The following RAD51 variants were observed in gnomAD, a reference collection of about 807,000 sequenced individuals.
The protein encoded by RAD51 is RAD51 recombinase.
RAD51 carries 14 observed loss-of-function variants against 41.5 expected under a neutral mutation model. The ratio of observed to expected loss-of-function variants is 0.34; its 90% CI spans 0.22 to 0.53. The LOEUF (loss-of-function observed/expected upper bound fraction) is 0.53, where lower values mean the gene tolerates loss of function less well. Among genes scored for constraint, RAD51 ranks in the 20% least tolerant of loss-of-function variants. The pLI is 0.95. For missense variants in RAD51, 234 were observed against 422.0 expected (o/e 0.55, Z 3.90); for synonymous variants, 136 against 148.6 (o/e 0.92, Z 0.62).
intron 5 of RAD51, among the ~76,000 whole-genome samples, chr15:40,716,082 G>A (rs11858337): frequency 0.49 from 74,913 of 152,030 alleles, 19,297 homozygotes; most frequent in East Asian, 0.77. Flanking sequence ...AAAGCCTTCC[G>A]TAACTGTATA....
At chr15:40,713,994 CTTTT>C (rs749995356) in intron 5 of RAD51, among the ~76,000 whole-genome samples, 1 of 114,964 alleles carries the variant, frequency 8.7e-6, no homozygotes, top group Non-Finnish European at 1.7e-5. Flanking sequence ...GAAATAAATT[CTTTT>C]TTTTTTTTTT....
chr15:40,710,597 T>C (rs1895657914), intron 5 of RAD51, among the ~76,000 whole-genome samples: 1 of 152,056 alleles, frequency 6.6e-6, no homozygotes, highest in Admixed American at 6.6e-5. Context: ...GCAGTCTACT[T>C]TCTCCATTTA....
chr15:40,701,435 T>TGCC lies in RAD51; in HGVS notation c.225+235_225+237dup, dbSNP rs1894988047. Among the ~76,000 whole-genome samples, 4 of 145,712 alleles carry TGCC rather than the reference T, an allele frequency of 2.7e-5. No individual in the cohort carries two copies. In the South Asian group the frequency reaches 8.6e-4, roughly 31 times the overall value. ...TGTCACACAGGGTGGAGTGCAGTGG[T>TGCC]GCCATCTCAGCTCACTGCAACCTTC... On this transcript the variant is annotated intron_variant, in intron 3 of 9. Coordinates refer to ENST00000267868, the MANE Select transcript of RAD51 (RefSeq NM_002875.5).
intron 5 of RAD51, among the ~76,000 whole-genome samples, chr15:40,713,096 G>C (rs1895792198): frequency 6.6e-6 from 1 of 151,460 alleles, no homozygotes; most frequent in African/African-American, 2.4e-5. Context: ...GGCCAGGCTG[G>C]TCTCAAACTC....
chr15:40,716,923 A>G (rs1225664243), intron 5 of RAD51, among the ~76,000 whole-genome samples: 1 of 151,962 alleles, frequency 6.6e-6, no homozygotes, highest in African/African-American at 2.4e-5. Context: ...CGGCCTCCCA[A>G]AGTGCTGGGA....
chr15:40,729,197 C>T (rs957513081), intron 7 of RAD51, among the ~76,000 whole-genome samples: 8 of 151,580 alleles, frequency 5.3e-5, no homozygotes, highest in Non-Finnish European at 7.4e-5. Flanking sequence ...ACGGTGAATC[C>T]GTCTCTACTA....
At chr15:40,713,662 A>G (rs1215419935) in intron 5 of RAD51, among the ~76,000 whole-genome samples, 1 of 144,390 alleles carries the variant, frequency 6.9e-6, no homozygotes, top group Non-Finnish European at 1.5e-5. Flanking sequence ...GCTGGAGTGC[A>G]GTGGTGCCAT....
intron 2 of RAD51, among the ~76,000 whole-genome samples, chr15:40,700,831 T>C (rs1344852594): frequency 6.6e-6 from 1 of 152,042 alleles, no homozygotes; most frequent in East Asian, 1.9e-4. Flanking sequence ...TGTACATAGG[T>C]TATATGCAGG....
intron 7 of RAD51, 88 bp from the exon 8 acceptor site, chr15:40,729,415 CTA>C (rs1312944952): frequency 1.3e-5 from 10 of 756,440 alleles, no homozygotes; most frequent in Non-Finnish European, 6.5e-6. Flanking sequence ...ACAGGAAAAA[CTA>C]TGAATATGAG....
intron 6 of RAD51, among the ~76,000 whole-genome samples, chr15:40,725,044 C>T (rs1275461959): frequency 4.6e-5 from 7 of 151,452 alleles, no homozygotes; most frequent in East Asian, 1.9e-4. Context: ...GGACTACAGG[C>T]GCCCGCCACC....
At chr15:40,725,717 G>A (rs907010710) in intron 6 of RAD51, among the ~76,000 whole-genome samples, 18 of 152,142 alleles carry the variant, frequency 1.2e-4, no homozygotes, top group African/African-American at 3.4e-4. Flanking sequence ...GGCCAGACAC[G>A]GTGGCTCACG....
chr15:40,721,375 T>C (rs755873119), intron 6 of RAD51, among the ~76,000 whole-genome samples: 2 of 152,138 alleles, frequency 1.3e-5, no homozygotes, highest in African/African-American at 2.4e-5. Context: ...GACTTTTTGG[T>C]TTAAATTCTT....
At chr15:40,728,667 T>C in intron 6 of RAD51, 44 bp from the exon 7 acceptor site, 1 of 1,518,608 alleles carries the variant, frequency 6.6e-7, no homozygotes, top group Non-Finnish European at 9.1e-7. Flanking sequence ...CTCATCTGCC[T>C]GAGTTCTGTG....
At chr15:40,708,347 G>A (rs1436671419) in intron 4 of RAD51, among the ~76,000 whole-genome samples, 1 of 149,796 alleles carries the variant, frequency 6.7e-6, no homozygotes, top group African/African-American at 2.5e-5. Context: ...TCCTGCTTCA[G>A]CCTGCTAGTA....
intron 1 of RAD51, 36 bp from the exon 2 acceptor site, chr15:40,698,721 C>T (rs772968794): frequency 6.4e-7 from 1 of 1,572,476 alleles, no homozygotes; most frequent in Non-Finnish European, 8.8e-7. Flanking sequence ...CCTTATTTCT[C>T]TAGTGTTTAT....
chr15:40,718,441 C>G (rs1381520442), intron 5 of RAD51, among the ~76,000 whole-genome samples: 1 of 151,554 alleles, frequency 6.6e-6, no homozygotes, highest in Non-Finnish European at 1.5e-5. Flanking sequence ...TTGCTTGAAC[C>G]CAGGAGGTGG....
intron 6 of RAD51, among the ~76,000 whole-genome samples, chr15:40,725,688 G>GT (rs1896545034): frequency 6.6e-6 from 1 of 152,080 alleles, no homozygotes. Context: ...CTAGCAACCT[G>GT]TTTTAACAAG....
chr15:40,697,204 G>A (rs778101399), intron 1 of RAD51, among the ~76,000 whole-genome samples: 3 of 152,024 alleles, frequency 2.0e-5, no homozygotes, highest in Non-Finnish European at 4.4e-5. Context: ...GGGTTCAAGC[G>A]ATTCTCCTGC....
In RAD51 at chr15:40,708,934, C is replaced by T; in HGVS notation, c.344-91C>T. The T allele has an allele frequency of 5.2e-6, 6 of 1,150,836 alleles. No individual in the cohort carries two copies. The South Asian group carries it at 6.2e-5, about 12-fold the overall frequency. The allele number at this position is 1,150,836 out of a possible 1,614,324, so 71.3% of individuals were successfully genotyped here. A position where few individuals can be genotyped will look rare whatever the true frequency, so the allele number is the denominator to read the frequency against. ...AAATTGAATTTTTAACTTACATAAA[C>T]ATCTTTCTGATGAGCTCCAAGAACA... On this transcript the variant is annotated intron_variant, in intron 4 of 9. Transcript: ENST00000267868.
Sources: gnomAD v4.1 joint callset for allele counts (sites outside exome capture counted in the v4.1 genomes callset) on GRCh38, gnomAD v4.1.1 for gene constraint, MANE v1.5 for transcripts, NCBI Gene and HGNC (gene_info 2026-07-23, HGNC 2026-07-21) for gene names.